The following DTNBP1 variants were observed in gnomAD, a reference collection of about 807,000 sequenced individuals.
DTNBP1 encodes the protein dystrobrevin binding protein 1, also known as dysbindin.
DTNBP1 carries 35 observed loss-of-function variants against 42.8 expected under a neutral mutation model. The observed-to-expected ratio is 0.82, with a 90% CI of 0.63 to 1.09. The LOEUF (loss-of-function observed/expected upper bound fraction) is 1.09. Among genes scored for constraint, DTNBP1 ranks in the 50% least tolerant of loss-of-function variants. The pLI is 0.00. For missense variants in DTNBP1, 457 were observed against 424.2 expected (o/e 1.08, Z -0.68); for synonymous variants, 171 against 162.2 (o/e 1.05, Z -0.41).
At chr6:15,533,627 T>C in intron 7 of DTNBP1, 1 of 682,892 alleles carries the variant, frequency 1.5e-6, no homozygotes, top group East Asian at 3.0e-5. Flanking sequence ...CCTTTGCATG[T>C]GCTGTTCCCT....
chr6:15,632,584 A>G (rs559226037), intron 4 of DTNBP1, among the ~76,000 whole-genome samples: 1 of 152,354 alleles, frequency 6.6e-6, no homozygotes, highest in East Asian at 1.9e-4. Flanking sequence ...AGATGGCCGA[A>G]TATGGGATTA....
In DTNBP1 at chr6:15,587,763, T is replaced by C. The variant is rs1228551423; in HGVS notation, c.511+5296A>G. 6.6e-6 allele frequency among the ~76,000 whole-genome samples: 1 copy of C among 151,994 alleles called. No homozygotes were observed. Among genetic ancestry groups the C allele is most frequent in the African/African-American group, 2.4e-5 (1 of 41,350 alleles). ...AACTGAATATCGATACGTAAAAAAA[T>C]GAAGGTAGACTTTTAACTCACACGA... On this transcript the variant is annotated intron_variant, in intron 7 of 9. Coordinates refer to ENST00000344537, the MANE Select transcript of DTNBP1 (RefSeq NM_032122.5). The surrounding 1 kb of genome is among the most constrained non-coding windows in gnomAD (Gnocchi z 4.1).
chr6:15,652,452 G>C (rs1267179216), intron 1 of DTNBP1, among the ~76,000 whole-genome samples: 1 of 151,884 alleles, frequency 6.6e-6, no homozygotes, highest in African/African-American at 2.4e-5. Flanking sequence ...AAAATGCTGG[G>C]ATTACAGGCA....
intron 8 of DTNBP1, among the ~76,000 whole-genome samples, chr6:15,528,017 C>T (rs774231749): frequency 6.6e-6 from 1 of 152,188 alleles, no homozygotes; most frequent in Non-Finnish European, 1.5e-5. Flanking sequence ...GCATGAGACA[C>T]GTGCACTTGC....
At chr6:15,652,968 A>G (rs1761095085) in intron 1 of DTNBP1, among the ~76,000 whole-genome samples, 2 of 152,156 alleles carry the variant, frequency 1.3e-5, no homozygotes, top group East Asian at 1.9e-4. Flanking sequence ...TTTAGAAACC[A>G]AGATTCCTAA....
At chr6:15,533,193 C>T (rs373188215) in intron 8 of DTNBP1, 47 bp downstream of exon 8, 23 of 1,609,244 alleles carry the variant, frequency 1.4e-5, no homozygotes, top group African/African-American at 5.3e-5. Flanking sequence ...ATCGCCACCC[C>T]GCACAGCCGG....
At chr6:15,590,090 G>A (rs1008277540) in intron 7 of DTNBP1, among the ~76,000 whole-genome samples, 2 of 152,004 alleles carry the variant, frequency 1.3e-5, no homozygotes, top group South Asian at 2.1e-4. Context: ...CCACCACCAC[G>A]CTGGGCTAAT....
chr6:15,621,611 G>A (rs1358482471), intron 5 of DTNBP1, among the ~76,000 whole-genome samples: 2 of 152,150 alleles, frequency 1.3e-5, no homozygotes, highest in Non-Finnish European at 1.5e-5. Flanking sequence ...GAAATAGTCC[G>A]TGGTCATTTT....
At chr6:15,557,422 C>A (rs960678545) in intron 7 of DTNBP1, among the ~76,000 whole-genome samples, 3 of 151,996 alleles carry the variant, frequency 2.0e-5, no homozygotes, top group Non-Finnish European at 2.9e-5. Flanking sequence ...TCAGTTTTTA[C>A]ATAAATTGAA....
rs746234584 is a variant in DTNBP1, at chr6:15,615,249, C to T, written c.488+18G>A. On this transcript the variant is annotated intron_variant, in intron 6 of 9. Coordinates refer to ENST00000344537, the MANE Select transcript of DTNBP1 (RefSeq NM_032122.5). ...TTCGAGACTGGAATGAATACTGTGG[C>T]AAACTTTTCAAACTCACCTCTTATT... The T allele has an allele frequency of 7.4e-6, 12 of 1,613,996 alleles. No individual in the cohort carries two copies. The East Asian group carries it at 2.2e-4, about 30-fold the overall frequency.
chr6:15,570,749 T>C (rs1362735948), intron 7 of DTNBP1, among the ~76,000 whole-genome samples: 1 of 152,226 alleles, frequency 6.6e-6, no homozygotes, highest in Non-Finnish European at 1.5e-5. Flanking sequence ...TCACAGCTTT[T>C]TGTAAATTTT....
At chr6:15,586,796 A>C (rs1231875450) in intron 7 of DTNBP1, among the ~76,000 whole-genome samples, 1 of 152,190 alleles carries the variant, frequency 6.6e-6, no homozygotes, top group Non-Finnish European at 1.5e-5. Context: ...AAGATCACCA[A>C]TTAGCTTCTC....
intron 7 of DTNBP1, among the ~76,000 whole-genome samples, chr6:15,588,129 T>C (rs1415197911): frequency 6.6e-6 from 1 of 152,240 alleles, no homozygotes; most frequent in Non-Finnish European, 1.5e-5. Flanking sequence ...AAATGGGGTA[T>C]ATTCATACAA....
intron 7 of DTNBP1, among the ~76,000 whole-genome samples, chr6:15,534,178 C>T (rs902034493): frequency 2.0e-5 from 3 of 152,042 alleles, no homozygotes; most frequent in South Asian, 2.1e-4. Context: ...GGGGAGAGGG[C>T]GTGGGAGCTT....
intron 4 of DTNBP1, among the ~76,000 whole-genome samples, chr6:15,630,081 G>A (rs1268525166): frequency 6.6e-6 from 1 of 152,098 alleles, no homozygotes; most frequent in Non-Finnish European, 1.5e-5. Context: ...CAAACCCATA[G>A]TGCTTTATTC....
chr6:15,546,694 G>C (rs1412337901), intron 7 of DTNBP1, among the ~76,000 whole-genome samples: 2 of 152,248 alleles, frequency 1.3e-5, no homozygotes, highest in South Asian at 2.1e-4. Context: ...CACAGGCTCA[G>C]ACTAGGAGGT....
intron 7 of DTNBP1, among the ~76,000 whole-genome samples, chr6:15,537,894 C>G (rs12175397): frequency 6.6e-6 from 1 of 152,174 alleles, no homozygotes; most frequent in African/African-American, 2.4e-5. Context: ...TGAAAATGGA[C>G]TCATACAGCA....
At chr6:15,525,068 C>A (rs1048849242) in intron 8 of DTNBP1, among the ~76,000 whole-genome samples, 1 of 152,220 alleles carries the variant, frequency 6.6e-6, no homozygotes, top group Non-Finnish European at 1.5e-5. Context: ...CCTGAACCTT[C>A]CCGGCAGGCG....
At chr6:15,543,428 T>G (rs112508407) in intron 7 of DTNBP1, among the ~76,000 whole-genome samples, 1 of 152,292 alleles carries the variant, frequency 6.6e-6, no homozygotes, top group East Asian at 1.9e-4. Context: ...TACAGCTCCA[T>G]GCAGTCTTAC....
Sources: allele counts gnomAD v4.1 joint callset (sites outside exome capture counted in the v4.1 genomes callset), GRCh38; gene constraint gnomAD v4.1.1; non-coding constraint Gnocchi (gnomAD v3.1); transcripts MANE v1.5; gene names NCBI Gene and HGNC (gene_info 2026-07-23, HGNC 2026-07-21).